The following CMBL variants were observed in gnomAD, a reference collection of about 807,000 sequenced individuals.
CMBL encodes carboxymethylenebutenolidase homolog, also known as carboxymethylenebutenolidase homolog (Pseudomonas).
A neutral mutation model predicts 28.7 loss-of-function variants in CMBL; 17 were observed. The ratio of observed to expected loss-of-function variants is 0.59; its 90% confidence interval spans 0.41 to 0.89. CMBL has a LOEUF of 0.89. Ranked by LOEUF, CMBL falls within the 40% of genes least tolerant of loss-of-function variation. CMBL has a pLI of 0.00. For synonymous variants in CMBL, 106 were observed against 101.6 expected, an observed-to-expected ratio of 1.04 and a Z score of -0.26; for missense variants, 310 against 298.5, an observed-to-expected ratio of 1.04 and a Z score of -0.28.
At chr5:10,294,447 C>T (rs2096638766) in intron 1 of CMBL, among the ~76,000 whole-genome samples, 1 of 152,000 alleles carries the variant, frequency 6.6e-6, no homozygotes. Context: ...GCCTGTATTC[C>T]CAGCTACTCA....
chr5:10,289,133 C>G lies in CMBL; in HGVS notation c.216-604G>C, dbSNP rs1209090150. 6.6e-6 allele frequency among the ~76,000 whole-genome samples: 1 copy of G among 152,218 alleles called. No homozygotes were observed. The highest frequency in any genetic ancestry group is 1.5e-5 in the Non-Finnish European group (1 of 68,050). ...TAGAGCCAGCCGCTGGGGTTGAGTCCTGTTTCCCAAAATAGAATTGCCACC... is the reference window on the plus strand; with the variant it reads ...TAGAGCCAGCCGCTGGGGTTGAGTCGTGTTTCCCAAAATAGAATTGCCACC... On this transcript the variant is annotated intron_variant, in intron 2 of 5. Coordinates refer to ENST00000296658, the MANE Select transcript of CMBL (RefSeq NM_138809.4). The surrounding 1 kb of genome is among the most constrained non-coding windows in gnomAD (Gnocchi z 4.3).
chr5:10,299,089 A>G (rs1475529518), intron 1 of CMBL, among the ~76,000 whole-genome samples: 2 of 151,690 alleles, frequency 1.3e-5, no homozygotes, highest in Non-Finnish European at 2.9e-5. Context: ...GATTAATAAG[A>G]TAATGATTAA....
chr5:10,293,996 C>A (rs548561895), intron 1 of CMBL, among the ~76,000 whole-genome samples: 1 of 152,246 alleles, frequency 6.6e-6, no homozygotes, highest in East Asian at 1.9e-4. Flanking sequence ...TGGAAAGGCA[C>A]CATTTGGGCA....
At position 10,280,264 on chromosome 5, in the gene CMBL, G is replaced by A. The variant is rs113659583; in HGVS notation, c.*189C>T. On this transcript the variant is annotated 3_prime_UTR_variant, in exon 6 of 6. Coordinates refer to ENST00000296658, the MANE Select transcript of CMBL (RefSeq NM_138809.4). The stretch of plus-strand genomic sequence containing the variant: ...AGACCTTGTTTTTAAATTATGATTC[G>A]ATGTACATGTCAAAAATTAAATTAT... 0.064 allele frequency: 31,550 copies of A among 492,064 alleles called. 1,271 individuals are homozygous for A. The highest frequency in any genetic ancestry group is 0.12 in the South Asian group (3,146 of 25,296). 30.5% of individuals were successfully genotyped at this position (492,064 alleles called of 1,614,324 possible). A position where few individuals can be genotyped will look rare whatever the true frequency, so the allele number is the denominator to read the frequency against.
intron 1 of CMBL, among the ~76,000 whole-genome samples, chr5:10,297,196 AG>A (rs869115412): frequency 7.9e-6 from 1 of 126,742 alleles, no homozygotes; most frequent in Non-Finnish European, 1.8e-5. Context: ...AAAAAAAAAA[AG>A]AGAGAGAGAG....
chr5:10,301,770 T>G (rs535437179), intron 1 of CMBL, among the ~76,000 whole-genome samples: 3 of 151,912 alleles, frequency 2.0e-5, no homozygotes, highest in South Asian at 4.2e-4. Flanking sequence ...CCCGGCTAAT[T>G]TTTATATTTT....
intron 4 of CMBL, among the ~76,000 whole-genome samples, chr5:10,283,594 C>T (rs1241377320): frequency 6.6e-6 from 1 of 152,146 alleles, no homozygotes; most frequent in Non-Finnish European, 1.5e-5. Flanking sequence ...GCCTGGCCAC[C>T]CACGCAAAAC....
At chr5:10,300,042 C>A (rs1022980376) in intron 1 of CMBL, among the ~76,000 whole-genome samples, 1 of 152,102 alleles carries the variant, frequency 6.6e-6, no homozygotes, top group African/African-American at 2.4e-5. Context: ...AAGTCCTATC[C>A]CCCACTCCCC....
At chr5:10,301,331 G>A (rs905935207) in intron 1 of CMBL, among the ~76,000 whole-genome samples, 1 of 152,144 alleles carries the variant, frequency 6.6e-6, no homozygotes, top group Non-Finnish European at 1.5e-5. Flanking sequence ...CAACTGGACT[G>A]TAGTTTTCTT....
chr5:10,282,602 G>A (rs566666389), intron 4 of CMBL, among the ~76,000 whole-genome samples: 3 of 151,984 alleles, frequency 2.0e-5, no homozygotes, highest in East Asian at 3.9e-4. Context: ...GGGTAACATC[G>A]CAAAACCCTG....
At position 10,302,037 on chromosome 5, in the gene CMBL, C is replaced by T. The variant is rs544148086; in HGVS notation, c.-20+5588G>A. ...AAGGTTATTCTCCTACAGGAGACGC[C>T]CGTGTGTGTCGAAGGCTGGACTCCT... On this transcript the variant is annotated intron_variant, in intron 1 of 5. Coordinates refer to ENST00000296658, the MANE Select transcript of CMBL (RefSeq NM_138809.4). Among the ~76,000 whole-genome samples the T allele has an allele frequency of 3.3e-5, 5 of 152,302 alleles. No individual in the cohort carries two copies. The South Asian group carries it at 1.0e-3, about 32-fold the overall frequency.
chr5:10,278,966 G>A lies in CMBL; in HGVS notation c.*1487C>T, dbSNP rs752576910. 3.3e-5 allele frequency among the ~76,000 whole-genome samples: 5 copies of A among 152,152 alleles called. No individual in the cohort carries two copies. Among genetic ancestry groups the A allele is most frequent in the East Asian group, 1.9e-4 (1 of 5,178 alleles). On this transcript the variant is annotated 3_prime_UTR_variant, in exon 6 of 6. Transcript: ENST00000296658. Reference sequence around the variant, plus strand: ...CCACGACCACATCCCCAGGATCCCCGTCAGGGCAGGGCTAGAGTTTACAGC... The same window carrying A: ...CCACGACCACATCCCCAGGATCCCCATCAGGGCAGGGCTAGAGTTTACAGC...
At position 10,288,604 on chromosome 5, in the gene CMBL, A is replaced by G. The variant is rs953089792; in HGVS notation, c.216-75T>C. ...AGTATTTTGCTTGCATTTATTTAAA[A>G]ACTTGCTACGTTGGCGATTCTGGCT... On this transcript the variant is annotated intron_variant, in intron 2 of 5. Transcript: ENST00000296658. 8 of 1,161,088 alleles carry G rather than the reference A, an allele frequency of 6.9e-6. No homozygotes were observed. In the African/African-American group the frequency reaches 1.1e-4, roughly 15 times the overall value. The allele number at this position is 1,161,088 out of a possible 1,614,324, so 71.9% of individuals were successfully genotyped here. A position where few individuals can be genotyped will look rare whatever the true frequency, so the allele number is the denominator to read the frequency against.
rs897947094 is a variant in CMBL, at chr5:10,278,612, T to C, written c.*1841A>G. Among the ~76,000 whole-genome samples the C allele has an allele frequency of 1.3e-5, 2 of 152,158 alleles. No homozygotes were observed. Among genetic ancestry groups the C allele is most frequent in the Admixed American group, 6.5e-5 (1 of 15,268 alleles). On this transcript the variant is annotated 3_prime_UTR_variant, in exon 6 of 6. Coordinates refer to ENST00000296658, the MANE Select transcript of CMBL (RefSeq NM_138809.4). Reference sequence around the variant, plus strand: ...ACCTTCTGGTTGAGCCCATGTGTCCTGAATGGCTCCCCCTTTTTGCTGGCC... The same window carrying C: ...ACCTTCTGGTTGAGCCCATGTGTCCCGAATGGCTCCCCCTTTTTGCTGGCC...
rs187772754 is a variant in CMBL at position 10,304,699 on chromosome 5, T to C, written c.-20+2926A>G. ...CAAACGCAGTGGCTCACACCTGTAA[T>C]CCCAGCACTTTGGGAAGCTGAGGCA... On this transcript the variant is annotated intron_variant, in intron 1 of 5. Coordinates refer to ENST00000296658, the MANE Select transcript of CMBL (RefSeq NM_138809.4). Among the ~76,000 whole-genome samples the C allele has an allele frequency of 1.7e-3, 257 of 152,290 alleles. 2 individuals are homozygous for C. The highest frequency in any genetic ancestry group is 1.3e-3 in the Non-Finnish European group (91 of 68,024).
At chr5:10,285,342 T>C (rs1377820543) in intron 4 of CMBL, among the ~76,000 whole-genome samples, 1 of 152,196 alleles carries the variant, frequency 6.6e-6, no homozygotes, top group Non-Finnish European at 1.5e-5. Context: ...CTAATTTTTG[T>C]ATTTTTAGTA....
In CMBL at chr5:10,290,580, A is replaced by G; in HGVS notation, c.183T>C (p.Tyr61=). 1 of 1,614,132 alleles carries G rather than the reference A, an allele frequency of 6.2e-7. No individual in the cohort carries two copies. Among genetic ancestry groups the G allele is most frequent in the Non-Finnish European group, 8.5e-7 (1 of 1,179,954 alleles). The change falls in exon 2 of 6, where the codon TAT becomes TAC. Residue 61 remains tyrosine, a synonymous_variant. Transcript: ENST00000296658. ...CATTTCCTGAGATCATGTCAGCTAT[A>G]TATCTGGTATTGGGCAACTGCCAGC... The part of the protein sequence containing the change: ...IFGWQLPNTR[Y]IADMISGNGY...
chr5:10,292,143 C>G (rs990561638), intron 1 of CMBL: 8 of 152,174 alleles, frequency 5.3e-5, no homozygotes, highest in Non-Finnish European at 1.0e-4. Flanking sequence ...CGCCATCAGG[C>G]CTGCCTAAAT....
Position 10,290,385 on chromosome 5 carries a change from C to A in CMBL, c.215+163G>T, listed in dbSNP as rs1746686512. 7 of 645,394 alleles carry A rather than the reference C, an allele frequency of 1.1e-5. No individual in the cohort carries two copies. In the South Asian group the frequency reaches 1.4e-4, roughly 12 times the overall value. The allele number at this position is 645,394 out of a possible 1,614,324, so 40.0% of individuals were successfully genotyped here. A position where few individuals can be genotyped will look rare whatever the true frequency, so the allele number is the denominator to read the frequency against. On this transcript the variant is annotated intron_variant, in intron 2 of 5. Coordinates refer to ENST00000296658, the MANE Select transcript of CMBL (RefSeq NM_138809.4). ...AGCACCAGGTGGGTGTTTAATTTCC[C>A]AAGACATTTCCCATCTATCTTCACG...
Sources: gnomAD v4.1 joint callset for allele counts (sites outside exome capture counted in the v4.1 genomes callset) on GRCh38, gnomAD v4.1.1 for gene constraint, Gnocchi (gnomAD v3.1) non-coding constraint, MANE v1.5 for transcripts, NCBI Gene and HGNC (gene_info 2026-07-23, HGNC 2026-07-21) for gene names.